NLGN1: variants seen among roughly 807,000 people sequenced by gnomAD.
NLGN1 encodes neuroligin-1.
A neutral mutation model predicts 65.5 loss-of-function variants in NLGN1; 12 were observed. That is an observed-to-expected ratio of 0.18 (90% CI 0.12 to 0.30). NLGN1 has a LOEUF of 0.30. Ranked by LOEUF, NLGN1 falls within the 10% of genes least tolerant of loss-of-function variation. The probability of loss-of-function intolerance (pLI) is 1.00; values close to 1 mark genes in which losing one functional copy is unlikely to be tolerated. For missense variants in NLGN1, 750 were observed against 1,007.1 expected (o/e 0.74, Z 3.46); for synonymous variants, 350 against 359.5 (o/e 0.97, Z 0.30).
chr3:174,120,352 A>G (rs565700784), intron 4 of NLGN1, among the ~76,000 whole-genome samples: 1 of 151,702 alleles, frequency 6.6e-6, no homozygotes, highest in Admixed American at 6.6e-5. Context: ...AATAAAAAAA[A>G]AAAAATTAGC....
rs1475786744 is a variant in NLGN1, at chr3:174,279,701, CA to C, written c.1649+52del. 8.9e-7 allele frequency: 1 copy of C among 1,124,146 alleles called. No homozygotes were observed. Among genetic ancestry groups the C allele is most frequent in the East Asian group, 2.6e-5 (1 of 38,940 alleles). 69.6% of individuals were successfully genotyped at this position (1,124,146 alleles called of 1,614,324 possible). The stretch of plus-strand genomic sequence containing the variant: ...TTTTTAATAAAAATGTTATTTTAAC[CA>C]TTTTAAAATAATAGATATTTATGCC... On this transcript the variant is annotated intron_variant, in intron 6 of 6. Transcript: ENST00000457714. This position sits in a 1 kb window ranked among gnomAD's most constrained non-coding sequence, Gnocchi z 4.7.
chr3:173,554,588 A>C (rs1741418258), intron 2 of NLGN1, among the ~76,000 whole-genome samples: 1 of 152,218 alleles, frequency 6.6e-6, no homozygotes, highest in South Asian at 2.1e-4. Context: ...TCTGGATTTG[A>C]AAGATTCACC....
chr3:173,473,737 G>C (rs1181587623), intron 2 of NLGN1, among the ~76,000 whole-genome samples: 1 of 152,102 alleles, frequency 6.6e-6, no homozygotes, highest in Non-Finnish European at 1.5e-5. Context: ...GTATTTTAAA[G>C]TGTGCATTTC....
intron 4 of NLGN1, among the ~76,000 whole-genome samples, chr3:173,826,167 A>G (rs1159563204): frequency 6.6e-6 from 1 of 152,032 alleles, no homozygotes; most frequent in Non-Finnish European, 1.5e-5. Flanking sequence ...AAAATGACAA[A>G]AACTACTTCT....
rs57183549 is a variant in NLGN1, at chr3:173,835,580, T to TAC, written c.646+27777_646+27778dup. On this transcript the variant is annotated intron_variant, in intron 4 of 6. Coordinates refer to ENST00000457714, the Ensembl canonical transcript of NLGN1. ...ATGGATAATAATATGTTCAAACACA[T>TAC]ACACACACACACACACACACACACA... Among the ~76,000 whole-genome samples the TAC allele has an allele frequency of 6.9e-3, 1,006 of 146,482 alleles. 11 individuals are homozygous for TAC. Among genetic ancestry groups the TAC allele is most frequent in the East Asian group, 0.017 (84 of 4,896 alleles).
chr3:174,027,549 A>G lies in NLGN1; in HGVS notation c.646+219717A>G, dbSNP rs1729094478. ...GGAAGAAATTTGGTGAATAATAAACACCACTAAGGGGACAGGGAAGCACTA... is the reference window on the plus strand; with the variant it reads ...GGAAGAAATTTGGTGAATAATAAACGCCACTAAGGGGACAGGGAAGCACTA... On this transcript the variant is annotated intron_variant, in intron 4 of 6. Transcript: ENST00000457714. Among the ~76,000 whole-genome samples, 3 of 152,178 alleles carry G rather than the reference A, an allele frequency of 2.0e-5. No individual in the cohort carries two copies. In the South Asian group the frequency reaches 6.2e-4, roughly 32 times the overall value.
chr3:173,640,221 T>A (rs930674935), intron 3 of NLGN1, among the ~76,000 whole-genome samples: 14 of 152,284 alleles, frequency 9.2e-5, no homozygotes, highest in Admixed American at 2.0e-4. Context: ...TCAGATAGAC[T>A]CTAAAGTCAG....
exon 7 of NLGN1, chr3:174,285,289 C>T (rs1249239702): frequency 6.6e-6 from 1 of 151,424 alleles, no homozygotes; most frequent in Non-Finnish European, 1.5e-5. Flanking sequence ...AAAGTACTGG[C>T]CTTTTCCTTC....
chr3:174,275,850 T>C (rs1013557721), intron 5 of NLGN1, among the ~76,000 whole-genome samples: 1 of 151,914 alleles, frequency 6.6e-6, no homozygotes, highest in Non-Finnish European at 1.5e-5. Flanking sequence ...TCTTTGTTTA[T>C]TCAGTGATCA....
intron 3 of NLGN1, among the ~76,000 whole-genome samples, chr3:173,760,428 G>C (rs1462781955): frequency 6.6e-6 from 1 of 151,784 alleles, no homozygotes; most frequent in Non-Finnish European, 1.5e-5. Context: ...TACAATTTTA[G>C]AAACCTGAAG....
At chr3:173,878,223 G>T (rs186893594) in intron 4 of NLGN1, among the ~76,000 whole-genome samples, 1 of 152,024 alleles carries the variant, frequency 6.6e-6, no homozygotes, top group African/African-American at 2.4e-5. Flanking sequence ...TGTATTTTTA[G>T]TAGAAACAGG....
intron 4 of NLGN1, among the ~76,000 whole-genome samples, chr3:173,874,035 C>T (rs1731673984): frequency 6.6e-6 from 1 of 152,136 alleles, no homozygotes; most frequent in South Asian, 2.1e-4. Context: ...CATCTGTAAG[C>T]CAAAGAAAGA....
At chr3:174,049,161 CAT>C (rs1268512716) in intron 4 of NLGN1, among the ~76,000 whole-genome samples, 4 of 151,980 alleles carry the variant, frequency 2.6e-5, no homozygotes, top group African/African-American at 9.7e-5. Flanking sequence ...AAGGCTTAGA[CAT>C]AGGAAAGTTT....
At chr3:174,188,236 C>T (rs1731778093) in intron 4 of NLGN1, among the ~76,000 whole-genome samples, 1 of 151,902 alleles carries the variant, frequency 6.6e-6, no homozygotes, top group African/African-American at 2.4e-5. Context: ...GGATAATTTT[C>T]CTGGCTTTTG....
chr3:173,426,920 A>G (rs1044071247), intron 1 of NLGN1, among the ~76,000 whole-genome samples: 6 of 152,028 alleles, frequency 3.9e-5, no homozygotes, highest in Admixed American at 3.9e-4. Context: ...TTTCTTTAAA[A>G]GTTTGGTAAA....
chr3:173,788,679 G>A (rs966488240), intron 3 of NLGN1, among the ~76,000 whole-genome samples: 2 of 151,840 alleles, frequency 1.3e-5, no homozygotes, highest in African/African-American at 4.8e-5. Flanking sequence ...ACTCCTGCTG[G>A]ATGCAGTGGC....
At chr3:174,128,124 A>G (rs1301968525) in intron 4 of NLGN1, among the ~76,000 whole-genome samples, 1 of 152,154 alleles carries the variant, frequency 6.6e-6, no homozygotes, top group Non-Finnish European at 1.5e-5. Flanking sequence ...TAATTTTCCA[A>G]TACATAAGAG....
Position 173,900,012 on chromosome 3 carries a change from A to G in NLGN1, c.646+92180A>G, listed in dbSNP as rs138561404. 5.3e-4 allele frequency among the ~76,000 whole-genome samples: 80 copies of G among 152,200 alleles called. 2 individuals are homozygous for G. The East Asian group carries it at 0.014, about 27-fold the overall frequency. On this transcript the variant is annotated intron_variant, in intron 4 of 6. Coordinates refer to ENST00000457714, the Ensembl canonical transcript of NLGN1. ...GTTCAGATTTTCCTTTTTCCTTTCA[A>G]TCATCTCCAGCCAGAGGCTGTTGAG...
intron 4 of NLGN1, among the ~76,000 whole-genome samples, chr3:174,264,897 T>A (rs1577679417): frequency 6.6e-6 from 1 of 152,132 alleles, no homozygotes; most frequent in Middle Eastern, 3.4e-3. Flanking sequence ...GTTTTCCTTC[T>A]AACAGAGAGG....
Sources: gnomAD v4.1 joint callset for allele counts (sites outside exome capture counted in the v4.1 genomes callset) on GRCh38, gnomAD v4.1.1 for gene constraint, Gnocchi (gnomAD v3.1) non-coding constraint, MANE v1.5 for transcripts, NCBI Gene and HGNC (gene_info 2026-07-23, HGNC 2026-07-21) for gene names.